PCLO: variants seen among roughly 807,000 people sequenced by gnomAD.
PCLO encodes the protein piccolo presynaptic cytomatrix protein, also known as protein piccolo.
Under a neutral mutation model 427.5 loss-of-function variants are expected in PCLO, and 82 were observed. The ratio of observed to expected loss-of-function variants is 0.19; its 90% confidence interval spans 0.16 to 0.23. The LOEUF (loss-of-function observed/expected upper bound fraction) is 0.23. PCLO is among the 10% of genes least tolerant of loss of function. The pLI, the probability that PCLO is intolerant of heterozygous loss-of-function variation, is 1.00. For synonymous variants in PCLO, 2,357 were observed against 2,155.4 expected (o/e 1.09, Z -2.59); for missense variants, 6,239 against 6,115.9 (o/e 1.02, Z -0.67).
chr7:83,076,206 A>G (rs1212235110), intron 3 of PCLO, among the ~76,000 whole-genome samples: 2 of 151,590 alleles, frequency 1.3e-5, no homozygotes, highest in African/African-American at 4.8e-5. Context: ...ATATTCTCAT[A>G]ATTTATTCTT....
At chr7:83,129,818 A>G (rs1207933256) in intron 3 of PCLO, among the ~76,000 whole-genome samples, 1 of 152,222 alleles carries the variant, frequency 6.6e-6, no homozygotes. Context: ...ACTACTATAC[A>G]GAGTAGAACA....
chr7:83,044,351 A>C (rs1052873325), intron 3 of PCLO, among the ~76,000 whole-genome samples: 11 of 152,204 alleles, frequency 7.2e-5, no homozygotes, highest in African/African-American at 2.7e-4. Flanking sequence ...AAGTATAATA[A>C]TTTGTGAGAA....
At chr7:82,838,885 ACCTTTCGGTACCAGCTTT>A (rs1211304149) in intron 14 of PCLO, among the ~76,000 whole-genome samples, 12 of 152,074 alleles carry the variant, frequency 7.9e-5, no homozygotes, top group African/African-American at 2.9e-4. Flanking sequence ...ACCTATAGAT[ACCTTTCGGTACCAGCTTT>A]CCTAATAGAG....
chr7:82,784,511 C>T (rs1346620877), intron 22 of PCLO, among the ~76,000 whole-genome samples: 1 of 152,142 alleles, frequency 6.6e-6, no homozygotes, highest in African/African-American at 2.4e-5. Context: ...CAATTCACAG[C>T]ACACAACCAC....
chr7:82,950,313 GTCA>G lies in PCLO; in HGVS notation c.10272_10274del (p.Asp3425del), dbSNP rs1281125957. On this transcript the variant is annotated inframe_deletion, in exon 6 of 25. Coordinates refer to ENST00000333891, the MANE Select transcript of PCLO (RefSeq NM_033026.6). ...GATCATCTGTCATATTTTCTCCCATGTCATCATACTGTCCTCGGACTTTAGCTC... is the reference window on the plus strand; with the variant it reads ...GATCATCTGTCATATTTTCTCCCATGTCATACTGTCCTCGGACTTTAGCTC... 1 of 1,613,290 alleles carries G rather than the reference GTCA, an allele frequency of 6.2e-7. No individual in the cohort carries two copies.
At chr7:82,998,163 A>T (rs1484513782) in intron 3 of PCLO, among the ~76,000 whole-genome samples, 1 of 151,962 alleles carries the variant, frequency 6.6e-6, no homozygotes, top group East Asian at 1.9e-4. Context: ...TTAATTGACA[A>T]ATTGCTGGAG....
At chr7:83,018,556 T>C in intron 3 of PCLO, among the ~76,000 whole-genome samples, 1 of 152,040 alleles carries the variant, frequency 6.6e-6, no homozygotes, top group East Asian at 1.9e-4. Context: ...TCTGACAAAA[T>C]TATATAGTTT....
At chr7:82,855,843 G>T (rs562959868) in intron 10 of PCLO, among the ~76,000 whole-genome samples, 69 of 151,952 alleles carry the variant, frequency 4.5e-4, no homozygotes, top group Middle Eastern at 6.8e-3. Flanking sequence ...TGCTAGGGAG[G>T]AAATGGTGGT....
chr7:82,904,235 T>G (rs1794126535), intron 8 of PCLO, among the ~76,000 whole-genome samples: 1 of 151,840 alleles, frequency 6.6e-6, no homozygotes, highest in South Asian at 2.1e-4. Flanking sequence ...TTTCTTCTTT[T>G]TCCCTCTCTT....
chr7:82,800,529 C>T (rs1198961873), intron 22 of PCLO, among the ~76,000 whole-genome samples: 3 of 152,082 alleles, frequency 2.0e-5, no homozygotes, highest in Admixed American at 2.0e-4. Flanking sequence ...GAATAAACTA[C>T]TTAGAATAGT....
chr7:83,034,200 TA>T (rs1230631385), intron 3 of PCLO, among the ~76,000 whole-genome samples: 2 of 152,130 alleles, frequency 1.3e-5, no homozygotes, highest in Non-Finnish European at 2.9e-5. Context: ...TGTTTCCTTT[TA>T]TTCCTTTTTT....
chr7:82,930,117 A>G (rs77534779), intron 6 of PCLO, among the ~76,000 whole-genome samples: 4,489 of 152,306 alleles, frequency 0.029, 90 homozygotes, highest in South Asian at 0.047. Context: ...GAGCTGAAGC[A>G]TATAAGGCAT....
At chr7:82,775,603 T>G (rs1011883366) in intron 22 of PCLO, among the ~76,000 whole-genome samples, 2 of 152,200 alleles carry the variant, frequency 1.3e-5, no homozygotes. Context: ...TAAAGTTCTT[T>G]TATAGTTTGG....
At chr7:83,096,530 A>C (rs535506976) in intron 3 of PCLO, among the ~76,000 whole-genome samples, 34 of 151,712 alleles carry the variant, frequency 2.2e-4, no homozygotes, top group South Asian at 6.2e-4. Flanking sequence ...AAGGACTTAC[A>C]GATCAGTGCC....
intron 2 of PCLO, among the ~76,000 whole-genome samples, chr7:83,144,359 T>G (rs1330398739): frequency 1.7e-5 from 2 of 120,376 alleles, no homozygotes; most frequent in Non-Finnish European, 3.4e-5. Flanking sequence ...AAGCAGAGGT[T>G]GCAGTGAGCT....
intron 10 of PCLO, among the ~76,000 whole-genome samples, chr7:82,857,657 T>G (rs1792844008): frequency 6.6e-6 from 1 of 152,134 alleles, no homozygotes; most frequent in Admixed American, 6.6e-5. Flanking sequence ...TTGCATAGAT[T>G]ACTGAGGTAT....
At chr7:83,024,156 C>T (rs886437067) in intron 3 of PCLO, among the ~76,000 whole-genome samples, 1 of 152,196 alleles carries the variant, frequency 6.6e-6, no homozygotes, top group Non-Finnish European at 1.5e-5. Context: ...GTGAGCGACG[C>T]AGAAGACGGG....
At chr7:83,086,213 C>A (rs140158531) in intron 3 of PCLO, among the ~76,000 whole-genome samples, 1 of 151,774 alleles carries the variant, frequency 6.6e-6, no homozygotes, top group Non-Finnish European at 1.5e-5. Context: ...CAGACTCAAG[C>A]GATTCTCTTG....
intron 7 of PCLO, among the ~76,000 whole-genome samples, chr7:82,913,009 T>C (rs912248718): frequency 2.6e-5 from 4 of 152,052 alleles, no homozygotes; most frequent in Non-Finnish European, 5.9e-5. Context: ...ATTTTCTATC[T>C]ATAAAATGTT....
Sources: allele counts gnomAD v4.1 joint callset (sites outside exome capture counted in the v4.1 genomes callset), GRCh38; gene constraint gnomAD v4.1.1; transcripts MANE v1.5; gene names NCBI Gene and HGNC (gene_info 2026-07-23, HGNC 2026-07-21).